NCAPD3: variants seen among roughly 807,000 people sequenced by gnomAD.
The protein encoded by NCAPD3 is non-SMC condensin II complex subunit D3.
Under a neutral mutation model 182.9 loss-of-function variants are expected in NCAPD3, and 105 were observed. That is an observed-to-expected ratio of 0.57 (90% CI 0.49 to 0.68). The LOEUF (loss-of-function observed/expected upper bound fraction) is 0.68. NCAPD3 is among the 30% of genes least tolerant of loss of function. The probability of loss-of-function intolerance (pLI) is 0.00; values close to 1 mark genes in which losing one functional copy is unlikely to be tolerated. For synonymous variants in NCAPD3, 815 were observed against 679.9 expected (o/e 1.20, Z -3.09); for missense variants, 1,944 against 1,837.0 (o/e 1.06, Z -1.07).
upstream of NCAPD3, chr11:134,223,997 G>A (rs915127035): frequency 2.1e-5 from 32 of 1,555,284 alleles, no homozygotes; most frequent in Admixed American, 1.9e-4. Flanking sequence ...GCGCCGAGTC[G>A]TTCCTGTGGA....
At chr11:134,158,297 C>A (rs756347760) in intron 30 of NCAPD3, 32 bp downstream of exon 30, 2 of 1,611,272 alleles carry the variant, frequency 1.2e-6, no homozygotes, top group East Asian at 4.5e-5. Flanking sequence ...CACAGAGAAC[C>A]AGCCCTGATG....
chr11:134,160,208 G>C lies in NCAPD3; in HGVS notation c.3685-134C>G, dbSNP rs78110879. 52 of 862,560 alleles carry C rather than the reference G, an allele frequency of 6.0e-5. 2 individuals are homozygous for C. The Admixed American group carries it at 1.2e-3, about 19-fold the overall frequency. The allele number at this position is 862,560 out of a possible 1,614,324, so 53.4% of individuals were successfully genotyped here. A position where few individuals can be genotyped will look rare whatever the true frequency, so the allele number is the denominator to read the frequency against. ...GTGTACCCCTGAACGCAAAATAAAA[G>C]TTAAGAAAGAAAAAAGCCCCCCAAG... On this transcript the variant is annotated intron_variant, in intron 28 of 34. Coordinates refer to ENST00000534548, the MANE Select transcript of NCAPD3 (RefSeq NM_015261.3).
At chr11:134,186,830 C>T (rs1944416375) in intron 16 of NCAPD3, among the ~76,000 whole-genome samples, 1 of 152,152 alleles carries the variant, frequency 6.6e-6, no homozygotes, top group Admixed American at 6.5e-5. Context: ...GCTAATATAT[C>T]AGCTATTGAT....
At chr11:134,210,180 T>C in intron 4 of NCAPD3, 90 bp downstream of exon 4, 1 of 1,139,368 alleles carries the variant, frequency 8.8e-7, no homozygotes, top group Non-Finnish European at 1.3e-6. Flanking sequence ...ATAATCATGA[T>C]GCCTGAAACC....
chr11:134,177,127 C>A, intron 23 of NCAPD3, 92 bp downstream of exon 23: 2 of 1,023,886 alleles, frequency 2.0e-6, no homozygotes, highest in Admixed American at 1.9e-5. Flanking sequence ...GATTCTACTA[C>A]AAAGCAAGCA....
chr11:134,156,245 CAGTG>C (rs923494856), intron 32 of NCAPD3, among the ~76,000 whole-genome samples: 3 of 152,258 alleles, frequency 2.0e-5, no homozygotes, highest in Non-Finnish European at 2.9e-5. Flanking sequence ...TCTGTGGAAA[CAGTG>C]AGGAGTGGAA....
At chr11:134,223,553 G>A in intron 1 of NCAPD3, 3 of 696,730 alleles carry the variant, frequency 4.3e-6, no homozygotes, top group Admixed American at 2.0e-5. Flanking sequence ...CATCTTAATA[G>A]GTAAGAATAG....
At chr11:134,167,338 GCA>G (rs1281787127) in intron 27 of NCAPD3, among the ~76,000 whole-genome samples, 1 of 41,614 alleles carries the variant, frequency 2.4e-5, no homozygotes, top group Non-Finnish European at 3.5e-5. Context: ...TGGGGGAGGC[GCA>G]CACTCGTGAG....
At chr11:134,216,127 CAAA>C (rs1239394267) in intron 3 of NCAPD3, among the ~76,000 whole-genome samples, 1 of 152,106 alleles carries the variant, frequency 6.6e-6, no homozygotes, top group East Asian at 1.9e-4. Flanking sequence ...TGCTTAGCAA[CAAA>C]ATCCTTTAGG....
intron 14 of NCAPD3, among the ~76,000 whole-genome samples, chr11:134,194,391 C>T (rs1312778822): frequency 6.6e-6 from 1 of 152,076 alleles, no homozygotes; most frequent in South Asian, 2.1e-4. Context: ...CTATTAAAAT[C>T]CACCCATGGT....
At chr11:134,171,608 G>A (rs1007580238) in intron 24 of NCAPD3, among the ~76,000 whole-genome samples, 5 of 152,146 alleles carry the variant, frequency 3.3e-5, no homozygotes, top group African/African-American at 1.2e-4. Flanking sequence ...GAGGCTTGAA[G>A]CAGTATTTCC....
rs776758546 is a variant in NCAPD3 at position 134,168,173 on chromosome 11, T to A, written c.3396A>T (p.Leu1132=). The A allele has an allele frequency of 1.2e-6, 2 of 1,613,590 alleles. No individual in the cohort carries two copies. Among genetic ancestry groups the A allele is most frequent in the Admixed American group, 1.7e-5 (1 of 59,962 alleles). Residue 1132 remains leucine (L), a synonymous_variant, in exon 27 of 35, where the codon CTA becomes CTT. Coordinates refer to ENST00000534548, the MANE Select transcript of NCAPD3 (RefSeq NM_015261.3). ...ACTCACTGGCGTCCAGGTCCAGGGG[T>A]AGGATGCCATCAGCAAAGCACGCTG... is the stretch of plus-strand genomic sequence containing the variant. ...SILACFADGI[L]PLDLDASELL... is the part of the protein sequence containing the mutation.
intron 27 of NCAPD3, among the ~76,000 whole-genome samples, chr11:134,167,238 G>C (rs76206627): frequency 1.6e-5 from 2 of 124,940 alleles, no homozygotes; most frequent in Non-Finnish European, 3.3e-5. Flanking sequence ...CTTGGGGGAG[G>C]CGCACACTCG....
At chr11:134,225,281 C>G, upstream of NCAPD3, 2 of 1,614,154 alleles carry the variant, frequency 1.2e-6, no homozygotes, top group Non-Finnish European at 1.7e-6. Context: ...TGAGCCTTGC[C>G]CTCAAGAACC....
At chr11:134,164,150 C>A (rs1419374361) in intron 27 of NCAPD3, among the ~76,000 whole-genome samples, 1 of 152,104 alleles carries the variant, frequency 6.6e-6, no homozygotes, top group Non-Finnish European at 1.5e-5. Flanking sequence ...AGGAGGAAAA[C>A]ACAGGCCTGC....
intron 24 of NCAPD3, 135 bp from the exon 25 acceptor site, chr11:134,169,189 T>A (rs148751942): frequency 1.7e-5 from 13 of 783,274 alleles, no homozygotes; most frequent in Non-Finnish European, 2.4e-5. Flanking sequence ...CAATAAACAG[T>A]TCCCTCGGAT....
At chr11:134,155,413 C>CGGA (rs1943392392) in intron 32 of NCAPD3, among the ~76,000 whole-genome samples, 1 of 152,118 alleles carries the variant, frequency 6.6e-6, no homozygotes, top group Non-Finnish European at 1.5e-5. Flanking sequence ...GCATTTCTTC[C>CGGA]TGGTTCAGTA....
chr11:134,214,716 A>C (rs1937954930), intron 3 of NCAPD3, among the ~76,000 whole-genome samples: 1 of 152,220 alleles, frequency 6.6e-6, no homozygotes, highest in African/African-American at 2.4e-5. Flanking sequence ...GCATGAGAGG[A>C]GATCACTAGA....
chr11:134,220,710 C>T lies in NCAPD3; in HGVS notation c.81G>A (p.Val27=), dbSNP rs532248472. The T allele has an allele frequency of 3.1e-6, 5 of 1,613,840 alleles. No individual in the cohort carries two copies. Among genetic ancestry groups the T allele is most frequent in the African/African-American group, 1.3e-5 (1 of 75,034 alleles). ...CAGTCTCTGTGAAATCCAGTTCCCA[C>T]ACTGTGTCAACCCATTCTAGGGGAA... The part of the protein sequence containing the change: ...LDLRLEWVDT[V]WELDFTETEP... The change falls in exon 2 of 35, where the codon GTG becomes GTA. Residue 27 remains valine (V), a synonymous_variant. Coordinates refer to ENST00000534548, the MANE Select transcript of NCAPD3 (RefSeq NM_015261.3).
Sources: gnomAD v4.1 joint callset for allele counts (sites outside exome capture counted in the v4.1 genomes callset) on GRCh38, gnomAD v4.1.1 for gene constraint, MANE v1.5 for transcripts, NCBI Gene and HGNC (gene_info 2026-07-23, HGNC 2026-07-21) for gene names.